Variants in DHRS3 observed in about 807,000 individuals in gnomAD.
DHRS3 encodes the protein short-chain dehydrogenase/reductase 3.
Under a neutral mutation model 27.2 loss-of-function variants are expected in DHRS3, and 14 were observed. The observed-to-expected ratio is 0.52, with a 90% CI of 0.34 to 0.81. The LOEUF (loss-of-function observed/expected upper bound fraction) is 0.81. Among genes scored for constraint, DHRS3 ranks in the 30% least tolerant of loss-of-function variants. The pLI, the probability that DHRS3 is intolerant of heterozygous loss-of-function variation, is 0.01. For synonymous variants in DHRS3, 165 were observed against 175.9 expected, an observed-to-expected ratio of 0.94 and a Z score of 0.49; for missense variants, 322 against 406.2, an observed-to-expected ratio of 0.79 and a Z score of 1.78.
rs549628042 is a variant in DHRS3, at chr1:12,593,242, G to A, written c.196-12576C>T. Among the ~76,000 whole-genome samples the A allele has an allele frequency of 3.3e-5, 5 of 152,122 alleles. No homozygotes were observed. The highest frequency in any genetic ancestry group is 1.2e-4 in the African/African-American group (5 of 41,410). On this transcript the variant is annotated intron_variant, in intron 1 of 5. Transcript: ENST00000616661. This position sits in a 1 kb window ranked among gnomAD's most constrained non-coding sequence, Gnocchi z 4.6. Reference sequence around the variant, plus strand: ...CCCTCGTCTCAGCTACTCCCTCCTAGGTCTCGGCCCTGCAGAAGCACTGGC... The same window carrying A: ...CCCTCGTCTCAGCTACTCCCTCCTAAGTCTCGGCCCTGCAGAAGCACTGGC...
intron 1 of DHRS3, among the ~76,000 whole-genome samples, chr1:12,588,107 C>T (rs992487748): frequency 2.0e-5 from 3 of 152,224 alleles, no homozygotes; most frequent in African/African-American, 4.8e-5. Context: ...TGTGTCCCTA[C>T]CTGGTGCCCG....
intron 1 of DHRS3, among the ~76,000 whole-genome samples, chr1:12,615,826 G>A (rs571279641): frequency 6.6e-6 from 1 of 152,258 alleles, no homozygotes; most frequent in Admixed American, 6.5e-5. Flanking sequence ...CTTATTCGTT[G>A]TGTCCAAGGG....
rs1356077999 is a variant in DHRS3, at chr1:12,593,146, GA to G, written c.196-12481del. On this transcript the variant is annotated intron_variant, in intron 1 of 5. Coordinates refer to ENST00000616661, the MANE Select transcript of DHRS3 (RefSeq NM_004753.7). This position sits in a 1 kb window ranked among gnomAD's most constrained non-coding sequence, Gnocchi z 4.6. ...CCACATCACCCTGCTTATGACTACTGATGGCTGCCCATCTCACAGACTGGAA... is the reference window on the plus strand; with the variant it reads ...CCACATCACCCTGCTTATGACTACTGTGGCTGCCCATCTCACAGACTGGAA... Among the ~76,000 whole-genome samples, 2 of 152,134 alleles carry G rather than the reference GA, an allele frequency of 1.3e-5. No individual in the cohort carries two copies. The highest frequency in any genetic ancestry group is 4.8e-5 in the African/African-American group (2 of 41,410).
intron 1 of DHRS3, among the ~76,000 whole-genome samples, chr1:12,599,388 G>T (rs1467213806): frequency 9.9e-5 from 15 of 152,276 alleles, no homozygotes; most frequent in Non-Finnish European, 1.5e-5. Context: ...CACAGAAAGT[G>T]ATTTTCCGTG....
chr1:12,568,913 C>A (rs56146072), intron 5 of DHRS3, among the ~76,000 whole-genome samples: 15,652 of 151,592 alleles, frequency 0.1, 1,496 homozygotes, highest in African/African-American at 0.25. Flanking sequence ...GGTGGCAGAG[C>A]CAGACCCTGT....
At chr1:12,611,668 G>A (rs1646910114) in intron 1 of DHRS3, among the ~76,000 whole-genome samples, 1 of 152,076 alleles carries the variant, frequency 6.6e-6, no homozygotes, top group African/African-American at 2.4e-5. Flanking sequence ...TTGCTTTCTT[G>A]GGTTGACTGA....
In DHRS3 at chr1:12,574,442, C is replaced by G. The variant is rs187639294; in HGVS notation, c.699-1589G>C. Among the ~76,000 whole-genome samples the G allele has an allele frequency of 6.6e-6, 1 of 152,216 alleles. No individual in the cohort carries two copies. The highest frequency in any genetic ancestry group is 2.4e-5 in the African/African-American group (1 of 41,452). On this transcript the variant is annotated intron_variant, in intron 4 of 5. Transcript: ENST00000616661. This position sits in a 1 kb window ranked among gnomAD's most constrained non-coding sequence, Gnocchi z 4.6. Reference sequence around the variant, plus strand: ...TCAGCCTCCCAAAGCACTGGGATTACTGGTGTGAACCCAGCTACCACGCCT... The same window carrying G: ...TCAGCCTCCCAAAGCACTGGGATTAGTGGTGTGAACCCAGCTACCACGCCT...
chr1:12,588,621 G>C (rs1402052251), intron 1 of DHRS3, among the ~76,000 whole-genome samples: 1 of 152,190 alleles, frequency 6.6e-6, no homozygotes, highest in African/African-American at 2.4e-5. Flanking sequence ...GCATGGGCCA[G>C]GCACAAGAGT....
At position 12,608,032 on chromosome 1, in the gene DHRS3, C is replaced by T. The variant is rs535636341; in HGVS notation, c.195+9122G>A. Among the ~76,000 whole-genome samples, 58 of 152,194 alleles carry T rather than the reference C, an allele frequency of 3.8e-4. No individual in the cohort carries two copies. The highest frequency in any genetic ancestry group is 7.8e-4 in the Non-Finnish European group (53 of 68,014). On this transcript the variant is annotated intron_variant, in intron 1 of 5. Coordinates refer to ENST00000616661, the MANE Select transcript of DHRS3 (RefSeq NM_004753.7). The surrounding 1 kb of genome is among the most constrained non-coding windows in gnomAD (Gnocchi z 4.1). ...AGCTGGGATCCCAGGCATGCACCAC[C>T]ATGCCAGATAATTTTTGTATTTTTA...
At chr1:12,584,090 C>T (rs1253229533) in intron 1 of DHRS3, among the ~76,000 whole-genome samples, 1 of 152,138 alleles carries the variant, frequency 6.6e-6, no homozygotes. Context: ...TGTAACAGGA[C>T]CATGGGGCTT....
intron 1 of DHRS3, among the ~76,000 whole-genome samples, chr1:12,596,724 T>C (rs1646800486): frequency 6.6e-6 from 1 of 152,122 alleles, no homozygotes; most frequent in African/African-American, 2.4e-5. Context: ...CTTCACCATC[T>C]CCATCTGGGG....
chr1:12,581,795 G>C (rs187147130), intron 1 of DHRS3, among the ~76,000 whole-genome samples: 2 of 152,204 alleles, frequency 1.3e-5, no homozygotes, highest in Non-Finnish European at 2.9e-5. Flanking sequence ...CACCAGCACA[G>C]AGGGAGAAAG....
intron 1 of DHRS3, among the ~76,000 whole-genome samples, chr1:12,589,029 G>C (rs755967420): frequency 6.6e-6 from 1 of 152,348 alleles, no homozygotes; most frequent in Middle Eastern, 3.4e-3. Context: ...AGCGTGGAGG[G>C]TGCACAGCTC....
intron 1 of DHRS3, among the ~76,000 whole-genome samples, chr1:12,585,587 G>A (rs1051199757): frequency 6.6e-6 from 1 of 152,206 alleles, no homozygotes; most frequent in Non-Finnish European, 1.5e-5. Context: ...GGTAGGTGCT[G>A]CCCTGTGGAG....
chr1:12,606,703 G>T (rs1296795789), intron 1 of DHRS3, among the ~76,000 whole-genome samples: 1 of 151,628 alleles, frequency 6.6e-6, no homozygotes, highest in Admixed American at 6.6e-5. Flanking sequence ...CTCCATGTTG[G>T]TCAGGCTGGT....
chr1:12,604,016 C>A (rs1646853528), intron 1 of DHRS3, among the ~76,000 whole-genome samples: 1 of 152,178 alleles, frequency 6.6e-6, no homozygotes, highest in South Asian at 2.1e-4. Flanking sequence ...CCTTCTTAAC[C>A]CAGAGTCTGG....
chr1:12,598,337 T>C (rs1326117132), intron 1 of DHRS3, among the ~76,000 whole-genome samples: 2 of 152,054 alleles, frequency 1.3e-5, no homozygotes, highest in East Asian at 3.9e-4. Context: ...ATCGCACCAA[T>C]GCACTCCAGC....
rs370339165 is a variant in DHRS3 at position 12,568,644 on chromosome 1, G to A, written c.825-220C>T. Among the ~76,000 whole-genome samples the A allele has an allele frequency of 2.6e-5, 4 of 152,218 alleles. No homozygotes were observed. The East Asian group carries it at 5.8e-4, about 22-fold the overall frequency. On this transcript the variant is annotated intron_variant, in intron 5 of 5. Coordinates refer to ENST00000616661, the MANE Select transcript of DHRS3 (RefSeq NM_004753.7). ...AGCAGCTGTTAAAAGGGCAGGGGGA[G>A]GCTGGGCGCGGTGGCTCATGTCTAT...
At chr1:12,616,408 C>G (rs1243176648) in intron 1 of DHRS3, among the ~76,000 whole-genome samples, 1 of 151,842 alleles carries the variant, frequency 6.6e-6, no homozygotes, top group Non-Finnish European at 1.5e-5. Flanking sequence ...GTGCCAGGAC[C>G]ACCAAAAAGT....
Sources: allele counts gnomAD v4.1 joint callset (sites outside exome capture counted in the v4.1 genomes callset), GRCh38; gene constraint gnomAD v4.1.1; non-coding constraint Gnocchi (gnomAD v3.1); transcripts MANE v1.5; gene names NCBI Gene and HGNC (gene_info 2026-07-23, HGNC 2026-07-21).